PSG11: variants seen among roughly 807,000 people sequenced by gnomAD.
The protein encoded by PSG11 is pregnancy specific beta-1-glycoprotein 11.
PSG11 carries 42 observed loss-of-function variants against 36.0 expected under a neutral mutation model. That is an observed-to-expected ratio of 1.17 (90% CI 0.91 to 1.51). PSG11 has a LOEUF of 1.51. PSG11 is among the 40% of genes most tolerant of loss of function. The pLI is 0.00. For synonymous variants in PSG11, 206 were observed against 153.5 expected (o/e 1.34, Z -2.53); for missense variants, 558 against 403.5 (o/e 1.38, Z -3.28).
intron 4 of PSG11, among the ~76,000 whole-genome samples, chr19:43,011,360 A>G (rs566877718): frequency 6.6e-5 from 10 of 151,498 alleles, no homozygotes; most frequent in South Asian, 2.1e-4. Flanking sequence ...TCTCAGGTCA[A>G]CAACCTACTT....
chr19:43,026,092 C>G (rs1454691411), intron 1 of PSG11, among the ~76,000 whole-genome samples: 3 of 150,190 alleles, frequency 2.0e-5, no homozygotes. Context: ...CAGGAGCACA[C>G]CACCATACCT....
Position 43,026,392 on chromosome 19 carries a change from T to C in PSG11, c.-20A>G, listed in dbSNP as rs1284844418. The C allele has an allele frequency of 6.2e-7, 1 of 1,607,376 alleles. No homozygotes were observed. Among genetic ancestry groups the C allele is most frequent in the Non-Finnish European group, 8.5e-7 (1 of 1,176,332 alleles). ...CCCCATGATCTCTGCTGCGTGCATG[T>C]TCTCCTCTGTGGAGATGAGCCTAGG... On this transcript the variant is annotated 5_prime_UTR_variant, in exon 1 of 6. Coordinates refer to ENST00000320078, the MANE Select transcript of PSG11 (RefSeq NM_002785.3).
At chr19:43,014,837 G>T in intron 4 of PSG11, 5 of 1,316,352 alleles carry the variant, frequency 3.8e-6, no homozygotes, top group Non-Finnish European at 2.0e-6. Context: ...TCTCCTTCTT[G>T]TCCCTCTGTG....
chr19:43,010,615 T>C (rs1439025223), intron 4 of PSG11: 2 of 332,518 alleles, frequency 6.0e-6, no homozygotes, highest in Non-Finnish European at 1.1e-5. Flanking sequence ...TAGAATTGCA[T>C]TGGTACCTAA....
At chr19:43,015,797 G>T (rs557874858) in intron 3 of PSG11, 1 of 1,610,388 alleles carries the variant, frequency 6.2e-7, no homozygotes, top group Non-Finnish European at 8.5e-7. Context: ...GAGTCACTGC[G>T]GATGCCACCA....
intron 4 of PSG11, chr19:43,014,721 A>T (rs1181509951): frequency 8.3e-7 from 1 of 1,201,722 alleles, no homozygotes; most frequent in Non-Finnish European, 1.1e-6. Flanking sequence ...AGCTTGTTTC[A>T]AAGCCTCAGA....
chr19:43,012,001 G>T (rs1475664122), intron 4 of PSG11, among the ~76,000 whole-genome samples: 1 of 150,734 alleles, frequency 6.6e-6, no homozygotes, highest in South Asian at 2.1e-4. Context: ...CAATAAATTG[G>T]ATAACCTAGA....
intron 4 of PSG11, 66 bp from the exon 5 acceptor site, chr19:43,010,107 A>G: frequency 1.9e-5 from 30 of 1,562,630 alleles, no homozygotes; most frequent in Non-Finnish European, 2.5e-5. Flanking sequence ...GAGCGTCAGG[A>G]ACAAGCATGT....
At chr19:43,011,020 C>A (rs867244291) in intron 4 of PSG11, among the ~76,000 whole-genome samples, 4 of 150,702 alleles carry the variant, frequency 2.7e-5, no homozygotes, top group African/African-American at 9.8e-5. Context: ...GTGAGGTAGA[C>A]ATTATTTCCA....
intron 4 of PSG11, chr19:43,010,490 T>A: frequency 9.9e-7 from 1 of 1,012,118 alleles, no homozygotes; most frequent in Middle Eastern, 3.0e-4. Flanking sequence ...CACAGAAAGC[T>A]TCTTTCCTAC....
At chr19:43,013,010 C>T (rs1248089013) in intron 4 of PSG11, among the ~76,000 whole-genome samples, 2 of 151,300 alleles carry the variant, frequency 1.3e-5, no homozygotes, top group Admixed American at 6.6e-5. Flanking sequence ...TCGAGTGTGC[C>T]AAGATCATTC....
rs1967029462 is a variant in PSG11 at position 43,018,783 on chromosome 19, G to A, written c.696C>T (p.Thr232=). ...GAAGATACTCACGGAGGAGATTCAG[G>A]GTGACTGGGTCACTGCGGCTGGCAC... ...SGSASRSDPV[T]LNLLHGPDLP... The change falls in exon 3 of 6, where the codon ACC becomes ACT. Residue 232 remains threonine, a synonymous_variant. Coordinates refer to ENST00000320078, the MANE Select transcript of PSG11 (RefSeq NM_002785.3). 6.2e-7 allele frequency: 1 copy of A among 1,612,054 alleles called. No individual in the cohort carries two copies. The highest frequency in any genetic ancestry group is 8.5e-7 in the Non-Finnish European group (1 of 1,179,048).
chr19:43,008,402 A>G (rs1371857094), intron 5 of PSG11, among the ~76,000 whole-genome samples: 1 of 150,926 alleles, frequency 6.6e-6, no homozygotes, highest in Non-Finnish European at 1.5e-5. Context: ...CCTCCTGAGT[A>G]GCTGGGACTA....
At chr19:43,020,376 G>C (rs1337411264) in intron 2 of PSG11, among the ~76,000 whole-genome samples, 1 of 151,314 alleles carries the variant, frequency 6.6e-6, no homozygotes, top group African/African-American at 2.4e-5. Flanking sequence ...GAAGTGTAAA[G>C]TTTTGGAGCA....
At chr19:43,022,882 T>G (rs4029159) in intron 2 of PSG11, among the ~76,000 whole-genome samples, 4 of 149,086 alleles carry the variant, frequency 2.7e-5, no homozygotes, top group African/African-American at 7.5e-5. Flanking sequence ...GGGAAGGGAA[T>G]AGAACAGCCA....
At chr19:43,015,808 T>C in intron 3 of PSG11, 7 of 1,555,344 alleles carry the variant, frequency 4.5e-6, no homozygotes, top group Non-Finnish European at 5.2e-6. Context: ...GATGCCACCA[T>C]ATCGGTCCCG....
At chr19:43,017,502 G>A (rs1362546416) in intron 3 of PSG11, 2 of 151,450 alleles carry the variant, frequency 1.3e-5, no homozygotes, top group African/African-American at 4.9e-5. Flanking sequence ...TGGGATGTGA[G>A]AAAGGCTGAT....
Position 43,007,993 on chromosome 19 carries a change from T to G in PSG11, c.*90A>C, listed in dbSNP as rs1286470122. 1 of 403,640 alleles carries G rather than the reference T, an allele frequency of 2.5e-6. No individual in the cohort carries two copies. Among genetic ancestry groups the G allele is most frequent in the Non-Finnish European group, 4.6e-6 (1 of 218,702 alleles). The allele number at this position is 403,640 out of a possible 1,614,324, so 25.0% of individuals were successfully genotyped here. On this transcript the variant is annotated 3_prime_UTR_variant, in exon 6 of 6. Coordinates refer to ENST00000320078, the MANE Select transcript of PSG11 (RefSeq NM_002785.3). ...GTCCAGTGGTATGATCTTGAAGTTA[T>G]CAGGAACTTGTATTCAAGAGTCCTT...
In PSG11 at chr19:43,010,282, G is replaced by A. The variant is rs1216054953; in HGVS notation, c.965-241C>T. The A allele has an allele frequency of 8.2e-6, 12 of 1,468,558 alleles. No individual in the cohort carries two copies. In the East Asian group the frequency reaches 2.0e-4, roughly 24 times the overall value. The allele number at this position is 1,468,558 out of a possible 1,614,324, so 91.0% of individuals were successfully genotyped here. ...CTACTGCACTCAGGTATTTTGGAAG[G>A]CTTTCAGACGTGAGAAAGGCTGATT... On this transcript the variant is annotated intron_variant, in intron 4 of 5. Coordinates refer to ENST00000320078, the MANE Select transcript of PSG11 (RefSeq NM_002785.3).
Sources: allele counts gnomAD v4.1 joint callset (sites outside exome capture counted in the v4.1 genomes callset), GRCh38; gene constraint gnomAD v4.1.1; transcripts MANE v1.5; gene names NCBI Gene and HGNC (gene_info 2026-07-23, HGNC 2026-07-21).